The following TENT4B variants were observed in gnomAD, a reference collection of about 807,000 sequenced individuals.
TENT4B encodes PAP associated domain containing 5.
TENT4B carries 10 observed loss-of-function variants against 75.0 expected under a neutral mutation model. That is an observed-to-expected ratio of 0.13 (90% CI 0.08 to 0.23). The LOEUF (loss-of-function observed/expected upper bound fraction) is 0.23, where lower values mean the gene tolerates loss of function less well. TENT4B is among the 10% of genes least tolerant of loss of function. The probability of loss-of-function intolerance (pLI) is 1.00; values close to 1 mark genes in which losing one functional copy is unlikely to be tolerated. For synonymous variants in TENT4B, 350 were observed against 357.7 expected, an observed-to-expected ratio of 0.98 and a Z score of 0.24; for missense variants, 579 against 893.8, an observed-to-expected ratio of 0.65 and a Z score of 4.49.
At chr16:50,176,017 A>G (rs1490974550) in intron 1 of TENT4B, among the ~76,000 whole-genome samples, 1 of 151,918 alleles carries the variant, frequency 6.6e-6, no homozygotes, top group Non-Finnish European at 1.5e-5. Context: ...TCCTGGGCTG[A>G]AATGCCCCTC....
chr16:50,202,911 T>C (rs993416726), intron 1 of TENT4B, among the ~76,000 whole-genome samples: 1 of 152,166 alleles, frequency 6.6e-6, no homozygotes, highest in East Asian at 1.9e-4. Flanking sequence ...TTCTGAAACA[T>C]TGGCCTAAAA....
chr16:50,192,923 A>G (rs954088617), intron 1 of TENT4B, among the ~76,000 whole-genome samples: 2 of 152,142 alleles, frequency 1.3e-5, no homozygotes, highest in Non-Finnish European at 2.9e-5. Flanking sequence ...CTCTACAAAA[A>G]ATTAGCTGGG....
intron 1 of TENT4B, among the ~76,000 whole-genome samples, chr16:50,204,858 G>A (rs1016267312): frequency 1.3e-5 from 1 of 79,484 alleles, no homozygotes. Flanking sequence ...CACTGGGCAT[G>A]CAGAAACTTT....
At chr16:50,161,069 T>G (rs2037995056) in intron 1 of TENT4B, among the ~76,000 whole-genome samples, 1 of 152,204 alleles carries the variant, frequency 6.6e-6, no homozygotes, top group African/African-American at 2.4e-5. Context: ...GGATGGCCAG[T>G]AGAATGTTCT....
At chr16:50,216,577 G>A (rs1672186937) in intron 4 of TENT4B, among the ~76,000 whole-genome samples, 2 of 152,176 alleles carry the variant, frequency 1.3e-5, no homozygotes, top group African/African-American at 2.4e-5. Flanking sequence ...CTCCCAAAAT[G>A]CTGGGATTAC....
chr16:50,187,437 G>A (rs1215113022), intron 1 of TENT4B, among the ~76,000 whole-genome samples: 1 of 152,036 alleles, frequency 6.6e-6, no homozygotes, highest in Non-Finnish European at 1.5e-5. Flanking sequence ...ACAAAAATTA[G>A]CCAGGCATGG....
At chr16:50,166,780 A>ATTTTT (rs57856238) in intron 1 of TENT4B, among the ~76,000 whole-genome samples, 1 of 115,280 alleles carries the variant, frequency 8.7e-6, no homozygotes, top group African/African-American at 3.1e-5. Context: ...TGCCTGGCTA[A>ATTTTT]TTTTTTTTTT....
intron 3 of TENT4B, among the ~76,000 whole-genome samples, chr16:50,215,127 C>T (rs2031483899): frequency 6.6e-6 from 1 of 152,210 alleles, no homozygotes; most frequent in South Asian, 2.1e-4. Flanking sequence ...GCCTTGGAGG[C>T]TCTCTTTTGG....
chr16:50,229,106 T>C, intron 11 of TENT4B, 46 bp from the exon 12 acceptor site: 1 of 1,596,420 alleles, frequency 6.3e-7, no homozygotes, highest in Non-Finnish European at 8.5e-7. Flanking sequence ...AACACTCTGC[T>C]TTTCTGCAAT....
At chr16:50,173,842 C>T (rs577489409) in intron 1 of TENT4B, among the ~76,000 whole-genome samples, 2 of 151,216 alleles carry the variant, frequency 1.3e-5, no homozygotes, top group South Asian at 4.2e-4. Context: ...TACAGGCGCC[C>T]GCCACCATGC....
intron 5 of TENT4B, among the ~76,000 whole-genome samples, chr16:50,218,295 C>T (rs1429779025): frequency 6.6e-6 from 1 of 152,064 alleles, no homozygotes; most frequent in African/African-American, 2.4e-5. Flanking sequence ...TAACCCATTT[C>T]CCATATGCCC....
At position 50,214,284 on chromosome 16, in the gene TENT4B, A is replaced by G. The variant is rs2031435652; in HGVS notation, c.809+17A>G. 3.8e-6 allele frequency: 6 copies of G among 1,563,738 alleles called. No homozygotes were observed. Among genetic ancestry groups the G allele is most frequent in the Non-Finnish European group, 3.5e-6 (4 of 1,141,698 alleles). On this transcript the variant is annotated intron_variant, in intron 3 of 11. Transcript: ENST00000561678. ...ACCTACTAGGTTAGTACACTCATGA[A>G]TCTTTCAAAGGACTTTTCTTAGAGT...
chr16:50,163,417 C>G (rs898498218), intron 1 of TENT4B, among the ~76,000 whole-genome samples: 1 of 132,986 alleles, frequency 7.5e-6, no homozygotes, highest in Non-Finnish European at 1.6e-5. Context: ...GATATAATTT[C>G]TTTTTTTTTT....
chr16:50,189,015 G>C (rs2541708), intron 1 of TENT4B, among the ~76,000 whole-genome samples: 101,545 of 152,072 alleles, frequency 0.67, 35,776 homozygotes, highest in Non-Finnish European at 0.77. Flanking sequence ...GCTTCCCTGC[G>C]TGGTAGATCT....
chr16:50,186,303 C>T lies in TENT4B; in HGVS notation c.639-25020C>T, dbSNP rs903713653. On this transcript the variant is annotated intron_variant, in intron 1 of 11. Coordinates refer to ENST00000561678, the MANE Select transcript of TENT4B (RefSeq NM_001365324.3). ...TCTAAGTGGAATCCTACATATTTGT[C>T]GCTTTGTTTCTGGCTTTTTTTTCTT... Among the ~76,000 whole-genome samples the T allele has an allele frequency of 4.6e-5, 7 of 151,676 alleles. No homozygotes were observed. In the South Asian group the frequency reaches 1.5e-3, roughly 32 times the overall value.
At chr16:50,187,338 T>A (rs1217010316) in intron 1 of TENT4B, among the ~76,000 whole-genome samples, 1 of 152,232 alleles carries the variant, frequency 6.6e-6, no homozygotes, top group Non-Finnish European at 1.5e-5. Context: ...ATCCCACTAC[T>A]TGGGGAGGCC....
chr16:50,195,901 G>A (rs2030202703), intron 1 of TENT4B, among the ~76,000 whole-genome samples: 1 of 152,148 alleles, frequency 6.6e-6, no homozygotes, highest in Non-Finnish European at 1.5e-5. Context: ...CCTTTACAGG[G>A]CTAATGAGTA....
chr16:50,164,359 GA>G (rs2038060164), intron 1 of TENT4B, among the ~76,000 whole-genome samples: 2 of 151,106 alleles, frequency 1.3e-5, no homozygotes, highest in South Asian at 4.2e-4. Context: ...ACCCAGGCTG[GA>G]GTGCAGTGGC....
At position 50,230,589 on chromosome 16, in the gene TENT4B, T is replaced by C. The variant is rs775989525; in HGVS notation, c.*1261T>C. On this transcript the variant is annotated 3_prime_UTR_variant, in exon 12 of 12. Transcript: ENST00000561678. Reference sequence around the variant, plus strand: ...GGTCTTTGATAATGGATCTATTTTGTATTGCCTTATTAAGACCAAATACTT... The same window carrying C: ...GGTCTTTGATAATGGATCTATTTTGCATTGCCTTATTAAGACCAAATACTT... 2.6e-4 allele frequency: 256 copies of C among 977,514 alleles called. No homozygotes were observed. Among genetic ancestry groups the C allele is most frequent in the Non-Finnish European group, 3.0e-4 (243 of 822,502 alleles). 60.6% of individuals were successfully genotyped at this position (977,514 alleles called of 1,614,324 possible).
Sources: gnomAD v4.1 joint callset for allele counts (sites outside exome capture counted in the v4.1 genomes callset) on GRCh38, gnomAD v4.1.1 for gene constraint, MANE v1.5 for transcripts, NCBI Gene and HGNC (gene_info 2026-07-23, HGNC 2026-07-21) for gene names.